Variants in FANCD2OS observed in about 807,000 individuals in gnomAD.
The protein encoded by FANCD2OS is FANCD2 opposite strand, also known as FANCD2 opposite strand protein.
FANCD2OS carries 11 observed loss-of-function variants against 13.2 expected under a neutral mutation model. The ratio of observed to expected loss-of-function variants is 0.83; its 90% confidence interval spans 0.52 to 1.38. FANCD2OS has a LOEUF of 1.38. Among genes scored for constraint, FANCD2OS ranks in the 40% most tolerant of loss-of-function variants. FANCD2OS has a pLI of 0.00. For synonymous variants in FANCD2OS, 69 were observed against 84.5 expected (o/e 0.82, Z 1.01); for missense variants, 217 against 213.9 (o/e 1.01, Z -0.09).
downstream of FANCD2OS, among the ~76,000 whole-genome samples, chr3:10,103,688 T>G (rs1695388476): frequency 6.6e-6 from 1 of 152,246 alleles, no homozygotes; most frequent in Non-Finnish European, 1.5e-5. Flanking sequence ...TGCTACCAAG[T>G]TCTTTCTTGC....
chr3:10,084,144 C>T (rs1694027116), intron 2 of FANCD2OS, among the ~76,000 whole-genome samples: 1 of 151,788 alleles, frequency 6.6e-6, no homozygotes, highest in African/African-American at 2.4e-5. Context: ...CATGCGCCTG[C>T]CACTGCACCT....
intron 2 of FANCD2OS, chr3:10,096,512 ATTC>A: frequency 6.2e-7 from 1 of 1,601,412 alleles, no homozygotes; most frequent in Non-Finnish European, 8.6e-7. Context: ...CCCTACTCTT[ATTC>A]TTTGTGACAG....
rs34398688 is a variant in FANCD2OS at position 10,093,634 on chromosome 3, GAGT to G, written c.*43+10561_*43+10563del. ...TTACCAGGCAAAAGGGAGGAAGGAG[GAGT>G]AGATGATTTTTCTTTAAAGTCTATG... On this transcript the variant is annotated intron_variant, in intron 2 of 2. Transcript: ENST00000524279. 0.027 allele frequency among the ~76,000 whole-genome samples: 4,062 copies of G among 152,302 alleles called. 62 individuals carry two copies. Among genetic ancestry groups the G allele is most frequent in the South Asian group, 0.045 (217 of 4,826 alleles).
chr3:10,098,556 G>C (rs532290437), downstream of FANCD2OS, among the ~76,000 whole-genome samples: 77 of 152,296 alleles, frequency 5.1e-4, no homozygotes, highest in Non-Finnish European at 9.6e-4. Context: ...CTGGAGTTGA[G>C]TATCCCTCCT....
chr3:10,094,768 A>G (rs1435251144), intron 2 of FANCD2OS: 1 of 315,712 alleles, frequency 3.2e-6, no homozygotes, highest in Non-Finnish European at 6.1e-6. Flanking sequence ...CAGTCTTGAC[A>G]GTTTTTTAGC....
In FANCD2OS at chr3:10,104,539, A is replaced by C. The variant is rs149237231; in HGVS notation, c.236T>G (p.Leu79Trp). Residue 79 changes from leucine to tryptophan, a missense_variant, in exon 2 of 2, where the codon TTG becomes TGG. Physicochemically the swap from Leu to Trp is moderately conservative, Grantham distance 61. Coordinates refer to ENST00000450660, the MANE Select transcript of FANCD2OS (RefSeq NM_001164839.2). ...SPKLPCHTSE[L>W]RTMNNKGLVR... Reference sequence around the variant, plus strand: ...CAGTCCTTTGTTGTTCATCGTGCGCAACTCTGATGTGTGGCAGGGTAACTT... The same window carrying C: ...CAGTCCTTTGTTGTTCATCGTGCGCCACTCTGATGTGTGGCAGGGTAACTT... 486 of 1,614,196 alleles carry C rather than the reference A, an allele frequency of 3.0e-4. No homozygotes were observed. The African/African-American group carries it at 5.5e-3, about 18-fold the overall frequency.
intron 1 of FANCD2OS, among the ~76,000 whole-genome samples, chr3:10,105,907 C>T (rs1161858284): frequency 6.7e-6 from 1 of 149,190 alleles, no homozygotes; most frequent in African/African-American, 2.5e-5. Context: ...TGGGCCCCAC[C>T]TCAGACCAAC....
At chr3:10,092,892 C>T (rs1030732536) in intron 2 of FANCD2OS, among the ~76,000 whole-genome samples, 1 of 151,738 alleles carries the variant, frequency 6.6e-6, no homozygotes, top group Admixed American at 6.6e-5. Flanking sequence ...GGGTCTCATT[C>T]TGTTCCCCAG....
intron 2 of FANCD2OS, among the ~76,000 whole-genome samples, chr3:10,096,734 TACAAA>T (rs1694989525): frequency 6.6e-6 from 1 of 152,192 alleles, no homozygotes; most frequent in Non-Finnish European, 1.5e-5. Context: ...GTCAGACCAG[TACAAA>T]CCTCTCTCCA....
rs1015437429 is a variant in FANCD2OS at position 10,088,127 on chromosome 3, G to A, written c.*44-6596C>T. Among the ~76,000 whole-genome samples the A allele has an allele frequency of 1.1e-4, 16 of 152,282 alleles. 1 individual carries two copies. In the South Asian group the frequency reaches 2.9e-3, roughly 28 times the overall value. On this transcript the variant is annotated intron_variant, in intron 2 of 2. Transcript: ENST00000524279. Reference sequence around the variant, plus strand: ...CCACTGCTATTGGCCAGCCCAGGAGGAACAAGATTGGCCTTCCCACTGCCC... The same window carrying A: ...CCACTGCTATTGGCCAGCCCAGGAGAAACAAGATTGGCCTTCCCACTGCCC...
chr3:10,097,632 C>G (rs986596436), intron 2 of FANCD2OS, among the ~76,000 whole-genome samples: 2 of 152,166 alleles, frequency 1.3e-5, no homozygotes, highest in Admixed American at 1.3e-4. Context: ...TCATATTGCT[C>G]AAACACACAT....
chr3:10,098,677 T>G (rs1309476681), downstream of FANCD2OS: 11 of 1,609,852 alleles, frequency 6.8e-6, no homozygotes, highest in Non-Finnish European at 9.3e-6. Flanking sequence ...ACCCTAAATG[T>G]GATCATTATA....
chr3:10,096,202 G>A (rs925474617), intron 2 of FANCD2OS: 2 of 953,816 alleles, frequency 2.1e-6, no homozygotes, highest in Admixed American at 3.5e-5. Context: ...CTGTTTGATG[G>A]AACATACCGT....
rs189460871 is a variant in FANCD2OS at position 10,105,176 on chromosome 3, G to A, written c.-8-394C>T. Reference sequence around the variant, plus strand: ...CTAGATATTAGTAATTCTAATAAAGGGAAGTAGGGAATGATTACAAGTATT... The same window carrying A: ...CTAGATATTAGTAATTCTAATAAAGAGAAGTAGGGAATGATTACAAGTATT... On this transcript the variant is annotated intron_variant, in intron 1 of 1. Transcript: ENST00000450660. Among the ~76,000 whole-genome samples the A allele has an allele frequency of 5.9e-5, 9 of 152,268 alleles. No homozygotes were observed. The East Asian group carries it at 1.5e-3, about 26-fold the overall frequency.
intron 2 of FANCD2OS, among the ~76,000 whole-genome samples, chr3:10,093,084 C>A (rs35474341): frequency 6.6e-6 from 1 of 152,278 alleles, no homozygotes; most frequent in Non-Finnish European, 1.5e-5. Flanking sequence ...GTTTATTTCT[C>A]TTTGCTCGTC....
chr3:10,102,581 T>C (rs1435280984), downstream of FANCD2OS, among the ~76,000 whole-genome samples: 1 of 151,606 alleles, frequency 6.6e-6, no homozygotes, highest in African/African-American at 2.4e-5. Flanking sequence ...TCCCAGCACT[T>C]TGGGAGGCTG....
intron 2 of FANCD2OS, among the ~76,000 whole-genome samples, chr3:10,087,746 T>C (rs1694307870): frequency 6.6e-6 from 1 of 152,142 alleles, no homozygotes; most frequent in African/African-American, 2.4e-5. Flanking sequence ...CCTCCCAGGT[T>C]CAAACGATTC....
At chr3:10,093,193 C>T in intron 2 of FANCD2OS, 1 of 895,308 alleles carries the variant, frequency 1.1e-6, no homozygotes, top group Non-Finnish European at 1.9e-6. Context: ...TTCTCTGCAG[C>T]ACCCAAAGCT....
chr3:10,107,443 G>C (rs905805207), intron 1 of FANCD2OS, among the ~76,000 whole-genome samples: 5 of 151,736 alleles, frequency 3.3e-5, no homozygotes, highest in African/African-American at 1.2e-4. Flanking sequence ...CTGCCACCAC[G>C]CCCGGCTAAT....
Sources: allele counts gnomAD v4.1 joint callset (sites outside exome capture counted in the v4.1 genomes callset), GRCh38; gene constraint gnomAD v4.1.1; transcripts MANE v1.5; gene names NCBI Gene and HGNC (gene_info 2026-07-23, HGNC 2026-07-21).